The following ADAMTSL1 variants were observed in gnomAD, a reference collection of about 807,000 sequenced individuals.
ADAMTSL1 encodes ADAMTS like 1.
A neutral mutation model predicts 201.8 loss-of-function variants in ADAMTSL1; 126 were observed. The observed-to-expected ratio is 0.62, with a 90% CI of 0.54 to 0.72. The LOEUF is 0.72. Ranked by LOEUF, ADAMTSL1 falls within the 30% of genes least tolerant of loss-of-function variation. ADAMTSL1 has a pLI of 0.00. For missense variants in ADAMTSL1, 2,679 were observed against 2,277.8 expected, an observed-to-expected ratio of 1.18 and a Z score of -3.59; for synonymous variants, 1,121 against 903.4, an observed-to-expected ratio of 1.24 and a Z score of -4.32.
At chr9:18,674,105 A>G (rs1046816278) in intron 9 of ADAMTSL1, among the ~76,000 whole-genome samples, 1 of 151,878 alleles carries the variant, frequency 6.6e-6, no homozygotes, top group Non-Finnish European at 1.5e-5. Flanking sequence ...TGTTCATTTC[A>G]TTCTTGTGTG....
chr9:18,537,780 G>T (rs1345319742), intron 3 of ADAMTSL1, among the ~76,000 whole-genome samples: 1 of 151,726 alleles, frequency 6.6e-6, no homozygotes, highest in East Asian at 1.9e-4. Context: ...AGGCTGAGGC[G>T]GGAGGATTGC....
chr9:18,875,752 A>G (rs921294855), intron 23 of ADAMTSL1, among the ~76,000 whole-genome samples: 2 of 152,200 alleles, frequency 1.3e-5, no homozygotes, highest in Admixed American at 6.5e-5. Flanking sequence ...TTCTACAAAT[A>G]TCTGTTAAAT....
At chr9:18,406,954 A>T (rs1818232236) in intron 2 of ADAMTSL1, among the ~76,000 whole-genome samples, 1 of 152,222 alleles carries the variant, frequency 6.6e-6, no homozygotes, top group Non-Finnish European at 1.5e-5. Context: ...AATAAATGTG[A>T]AAAGCAGGTT....
At chr9:18,711,795 G>A (rs1175523877) in intron 14 of ADAMTSL1, among the ~76,000 whole-genome samples, 6 of 150,026 alleles carry the variant, frequency 4.0e-5, no homozygotes, top group African/African-American at 7.4e-5. Flanking sequence ...CTGGGGGCAG[G>A]GCACAGACAA....
chr9:18,054,342 A>T (rs2131676522), intron 1 of ADAMTSL1, among the ~76,000 whole-genome samples: 1 of 152,344 alleles, frequency 6.6e-6, no homozygotes, highest in Non-Finnish European at 1.5e-5. Context: ...GTTTATTGCA[A>T]AGAACTAATT....
intron 13 of ADAMTSL1, among the ~76,000 whole-genome samples, chr9:18,685,756 TA>T (rs921864019): frequency 5.3e-5 from 8 of 152,232 alleles, no homozygotes; most frequent in Admixed American, 5.2e-4. Flanking sequence ...TGTTTGAATC[TA>T]AATCTGATGT....
intron 2 of ADAMTSL1, among the ~76,000 whole-genome samples, chr9:18,165,591 G>T (rs1447688258): frequency 6.6e-6 from 1 of 151,692 alleles, no homozygotes; most frequent in Non-Finnish European, 1.5e-5. Context: ...GTGGGTGGAG[G>T]CATTTTACCT....
At position 17,962,362 on chromosome 9, in the gene ADAMTSL1, T is replaced by A. The variant is rs567807074; in HGVS notation, c.87+55440T>A. Among the ~76,000 whole-genome samples, 49 of 152,304 alleles carry A rather than the reference T, an allele frequency of 3.2e-4. No individual in the cohort carries two copies. The East Asian group carries it at 9.5e-3, about 29-fold the overall frequency. ...ACACTTTCCTGTCAGTTGTTTTACA[T>A]TTTTTATCTCCGGTTTTGTGCACAG... On this transcript the variant is annotated intron_variant, in intron 1 of 29. Coordinates refer to the ADAMTSL1 transcript ENST00000680146.
intron 1 of ADAMTSL1, among the ~76,000 whole-genome samples, chr9:18,096,095 T>C (rs776944098): frequency 6.6e-6 from 1 of 152,182 alleles, no homozygotes; most frequent in Non-Finnish European, 1.5e-5. Flanking sequence ...TCCTTTATTA[T>C]ACAACAACAG....
chr9:18,428,551 T>C (rs1425687263), intron 2 of ADAMTSL1, among the ~76,000 whole-genome samples: 1 of 151,924 alleles, frequency 6.6e-6, no homozygotes, highest in Non-Finnish European at 1.5e-5. Flanking sequence ...GTCCAGGAGT[T>C]CAAGGCTACA....
chr9:18,585,227 T>C (rs1477039814), intron 4 of ADAMTSL1, among the ~76,000 whole-genome samples: 1 of 152,224 alleles, frequency 6.6e-6, no homozygotes, highest in Non-Finnish European at 1.5e-5. Context: ...ATTCCATTTA[T>C]GAAGTGAAAG....
intron 2 of ADAMTSL1, among the ~76,000 whole-genome samples, chr9:18,355,971 T>C (rs140907607): frequency 5.1e-4 from 78 of 152,378 alleles, no homozygotes; most frequent in Middle Eastern, 6.8e-3. Context: ...TGCTACCTGC[T>C]GCAGGAGATG....
At chr9:18,707,975 A>G (rs1020223166) in intron 14 of ADAMTSL1, among the ~76,000 whole-genome samples, 1 of 152,198 alleles carries the variant, frequency 6.6e-6, no homozygotes, top group African/African-American at 2.4e-5. Context: ...CATCTCCTAT[A>G]TCTACTCCCA....
At chr9:18,461,994 T>C (rs1820826969) in intron 2 of ADAMTSL1, among the ~76,000 whole-genome samples, 1 of 152,170 alleles carries the variant, frequency 6.6e-6, no homozygotes, top group Non-Finnish European at 1.5e-5. Flanking sequence ...ATGTGAGTTT[T>C]ACATCCCATG....
intron 1 of ADAMTSL1, among the ~76,000 whole-genome samples, chr9:18,122,648 C>T (rs116349836): frequency 0.017 from 2,519 of 152,100 alleles, 78 homozygotes; most frequent in African/African-American, 0.058. Context: ...ATGGTTCAGT[C>T]CAAAATAAAG....
At chr9:18,740,458 TTTTTTTTTTTTTCTTTTATC>T (rs1373636393) in intron 15 of ADAMTSL1, among the ~76,000 whole-genome samples, 7 of 31,346 alleles carry the variant, frequency 2.2e-4, no homozygotes, top group African/African-American at 5.9e-4. Flanking sequence ...TGTTCCTTTC[TTTTTTTTTTTTTCTTTTATC>T]TTTTTTTTTT....
intron 1 of ADAMTSL1, among the ~76,000 whole-genome samples, chr9:18,115,622 T>A (rs891717466): frequency 1.3e-5 from 2 of 152,200 alleles, no homozygotes; most frequent in African/African-American, 4.8e-5. Flanking sequence ...AGTGACTTTA[T>A]GAATATTAAT....
chr9:18,414,320 T>C (rs1316943005), intron 2 of ADAMTSL1, among the ~76,000 whole-genome samples: 1 of 152,244 alleles, frequency 6.6e-6, no homozygotes, highest in Non-Finnish European at 1.5e-5. Context: ...AATGGAAAAG[T>C]AATCTTTTAA....
intron 1 of ADAMTSL1, among the ~76,000 whole-genome samples, chr9:18,020,667 G>T (rs1442839759): frequency 6.6e-6 from 1 of 152,012 alleles, no homozygotes; most frequent in Non-Finnish European, 1.5e-5. Flanking sequence ...AACGCCTGGG[G>T]ATTACAATTC....
Sources: gnomAD v4.1 joint callset for allele counts (sites outside exome capture counted in the v4.1 genomes callset) on GRCh38, gnomAD v4.1.1 for gene constraint, MANE v1.5 for transcripts, NCBI Gene and HGNC (gene_info 2026-07-23, HGNC 2026-07-21) for gene names.